Variants in FAM135B observed in about 807,000 individuals in gnomAD.
FAM135B encodes the protein protein FAM135B.
A neutral mutation model predicts 127.7 loss-of-function variants in FAM135B; 43 were observed. That is an observed-to-expected ratio of 0.34 (90% confidence interval 0.26 to 0.43). FAM135B has a LOEUF of 0.43. FAM135B is among the 20% of genes least tolerant of loss of function. FAM135B has a pLI of 1.00. For synonymous variants in FAM135B, 670 were observed against 665.1 expected, an observed-to-expected ratio of 1.01 and a Z score of -0.11; for missense variants, 1,558 against 1,725.6, an observed-to-expected ratio of 0.90 and a Z score of 1.72.
At chr8:138,432,372 C>G (rs1835236937) in intron 1 of FAM135B, among the ~76,000 whole-genome samples, 1 of 152,028 alleles carries the variant, frequency 6.6e-6, no homozygotes, top group Non-Finnish European at 1.5e-5. Flanking sequence ...ATTCAAATTC[C>G]TACACTTTGG....
chr8:138,173,072 T>C (rs1394291084), intron 11 of FAM135B, among the ~76,000 whole-genome samples: 2 of 152,148 alleles, frequency 1.3e-5, no homozygotes, highest in Non-Finnish European at 2.9e-5. Flanking sequence ...AAACCAGTTG[T>C]TTGCACAGTA....
intron 3 of FAM135B, among the ~76,000 whole-genome samples, chr8:138,285,150 T>A (rs1056828543): frequency 1.2e-4 from 16 of 129,792 alleles, no homozygotes; most frequent in African/African-American, 4.6e-4. Context: ...TTTTTTTTTT[T>A]TTTTTTTTTT....
chr8:138,359,857 C>G (rs755620547), intron 2 of FAM135B, among the ~76,000 whole-genome samples: 1 of 152,190 alleles, frequency 6.6e-6, no homozygotes, highest in Non-Finnish European at 1.5e-5. Flanking sequence ...TCAGGAAGCA[C>G]TTGACTTTCA....
intron 3 of FAM135B, among the ~76,000 whole-genome samples, chr8:138,299,139 T>C (rs1825694872): frequency 6.6e-6 from 1 of 151,242 alleles, no homozygotes. Flanking sequence ...AAAAACACTC[T>C]AACTTTTGGT....
chr8:138,210,937 G>C (rs1417430207), intron 7 of FAM135B, among the ~76,000 whole-genome samples: 1 of 152,136 alleles, frequency 6.6e-6, no homozygotes, highest in Non-Finnish European at 1.5e-5. Flanking sequence ...ATTCAGTGTG[G>C]GGTGGGGAAG....
At chr8:138,201,630 T>C (rs748360381) in intron 7 of FAM135B, among the ~76,000 whole-genome samples, 3 of 152,130 alleles carry the variant, frequency 2.0e-5, no homozygotes, top group Non-Finnish European at 4.4e-5. Context: ...TAGAATTGCA[T>C]GAAGAGCATT....
intron 3 of FAM135B, among the ~76,000 whole-genome samples, chr8:138,292,700 T>C (rs187111642): frequency 6.6e-6 from 1 of 152,174 alleles, no homozygotes; most frequent in African/African-American, 2.4e-5. Context: ...TATTTTACAA[T>C]ACACACATAT....
chr8:138,178,734 G>A, intron 9 of FAM135B, 44 bp from the exon 10 acceptor site: 1 of 1,586,006 alleles, frequency 6.3e-7, no homozygotes, highest in Non-Finnish European at 8.6e-7. Flanking sequence ...CTGACTCCAT[G>A]AAGTCAGGAG....
chr8:138,444,266 T>A (rs1431157187), intron 1 of FAM135B, among the ~76,000 whole-genome samples: 2 of 151,952 alleles, frequency 1.3e-5, no homozygotes, highest in Non-Finnish European at 2.9e-5. Flanking sequence ...AACAAGGATA[T>A]CCAGGAATTG....
At chr8:138,222,677 T>G (rs1483574786) in intron 7 of FAM135B, among the ~76,000 whole-genome samples, 1 of 111,776 alleles carries the variant, frequency 8.9e-6, no homozygotes, top group African/African-American at 3.6e-5. Flanking sequence ...TTGTTGGTGG[T>G]GTTTTTTTTT....
chr8:138,428,410 G>C (rs1012197237), intron 1 of FAM135B, among the ~76,000 whole-genome samples: 1 of 152,046 alleles, frequency 6.6e-6, no homozygotes, highest in Non-Finnish European at 1.5e-5. Context: ...AGCTGTCTCT[G>C]CTTGCAACAT....
rs549118564 is a variant in FAM135B at position 138,243,091 on chromosome 8, G to T, written c.543-23C>A. On this transcript the variant is annotated intron_variant, in intron 6 of 19. Transcript: ENST00000395297. The surrounding 1 kb of genome is among the most constrained non-coding windows in gnomAD (Gnocchi z 7.5). ...AAACTAAACAAAAGATAATTGAAAG[G>T]GTGAAAAAGGAGGTAAAGAAAGTGA... 1.1e-5 allele frequency: 18 copies of T among 1,594,118 alleles called. No individual in the cohort carries two copies. The East Asian group carries it at 3.6e-4, about 32-fold the overall frequency.
At chr8:138,214,549 G>A (rs541116760) in intron 7 of FAM135B, among the ~76,000 whole-genome samples, 1 of 152,116 alleles carries the variant, frequency 6.6e-6, no homozygotes, top group Non-Finnish European at 1.5e-5. Flanking sequence ...ATACATAAAT[G>A]CTATTGCAGC....
chr8:138,245,325 C>T (rs1436711692), intron 6 of FAM135B, among the ~76,000 whole-genome samples: 3 of 152,014 alleles, frequency 2.0e-5, no homozygotes, highest in African/African-American at 7.3e-5. Flanking sequence ...TCACTGTGTC[C>T]CCACCCAAAT....
chr8:138,192,450 C>A (rs1816217420), intron 9 of FAM135B, among the ~76,000 whole-genome samples: 1 of 152,226 alleles, frequency 6.6e-6, no homozygotes, highest in Non-Finnish European at 1.5e-5. Flanking sequence ...GCTTAGGAGT[C>A]ATGCAGCTGG....
intron 3 of FAM135B, among the ~76,000 whole-genome samples, chr8:138,276,157 C>G (rs1169206560): frequency 3.3e-5 from 5 of 152,208 alleles, no homozygotes; most frequent in Non-Finnish European, 7.3e-5. Context: ...ATCCTGAAAC[C>G]CGTCCTGCTA....
In FAM135B at chr8:138,143,025, T is replaced by C; in HGVS notation, c.3625A>G (p.Ile1209Val). The C allele has an allele frequency of 1.9e-6, 3 of 1,585,132 alleles. No individual in the cohort carries two copies. The highest frequency in any genetic ancestry group is 2.6e-6 in the Non-Finnish European group (3 of 1,153,616). ...GTTTCCTTTTACCTAATTCGGGATA[T>C]GGAGAGGTTGTACAACTGAATGTGT... ...IQHIQLYNLS[I>V]SRISFIGHSL... Residue 1209 changes from isoleucine (I) to valine (V), a missense_variant, in exon 16 of 20, where the codon ATA (isoleucine) becomes GTA (valine). By Grantham distance (29) the Ile-to-Val change is conservative. Coordinates refer to ENST00000395297, the MANE Select transcript of FAM135B (RefSeq NM_015912.4).
At chr8:138,210,671 G>A (rs1302025691) in intron 7 of FAM135B, among the ~76,000 whole-genome samples, 1 of 152,080 alleles carries the variant, frequency 6.6e-6, no homozygotes, top group East Asian at 1.9e-4. Flanking sequence ...CCATCCCCAT[G>A]ATCCAATCAC....
intron 1 of FAM135B, among the ~76,000 whole-genome samples, chr8:138,388,082 G>A (rs555506009): frequency 1.2e-3 from 183 of 152,194 alleles, no homozygotes; most frequent in African/African-American, 4.0e-3. Flanking sequence ...AAAGTGGGCC[G>A]AGACCTTAAC....
Sources: gnomAD v4.1 joint callset for allele counts (sites outside exome capture counted in the v4.1 genomes callset) on GRCh38, gnomAD v4.1.1 for gene constraint, Gnocchi (gnomAD v3.1) non-coding constraint, MANE v1.5 for transcripts, NCBI Gene and HGNC (gene_info 2026-07-23, HGNC 2026-07-21) for gene names.